The following ERC2 variants were observed in gnomAD, a reference collection of about 807,000 sequenced individuals.
The protein encoded by ERC2 is ERC protein 2.
A neutral mutation model predicts 114.8 loss-of-function variants in ERC2; 42 were observed. The observed-to-expected ratio is 0.37, with a 90% CI of 0.29 to 0.47. The LOEUF (loss-of-function observed/expected upper bound fraction) is 0.47, where lower values mean the gene tolerates loss of function less well. Among genes scored for constraint, ERC2 ranks in the 20% least tolerant of loss-of-function variants. The pLI, the probability that ERC2 is intolerant of heterozygous loss-of-function variation, is 0.99. For synonymous variants in ERC2, 454 were observed against 425.5 expected (o/e 1.07, Z -0.82); for missense variants, 939 against 1,150.7 (o/e 0.82, Z 2.66).
intron 2 of ERC2, among the ~76,000 whole-genome samples, chr3:56,384,985 G>A (rs1035072963): frequency 2.0e-5 from 3 of 152,042 alleles, no homozygotes; most frequent in Non-Finnish European, 4.4e-5. Context: ...AAAAATTACT[G>A]GATCATATAT....
chr3:55,794,092 T>C (rs955725847), intron 14 of ERC2, among the ~76,000 whole-genome samples: 1 of 152,228 alleles, frequency 6.6e-6, no homozygotes, highest in Non-Finnish European at 1.5e-5. Flanking sequence ...TTTAATGTTA[T>C]GGCACCCTCT....
At chr3:56,237,812 A>C (rs539687337) in intron 3 of ERC2, among the ~76,000 whole-genome samples, 16 of 152,228 alleles carry the variant, frequency 1.1e-4, no homozygotes, top group African/African-American at 3.8e-4. Flanking sequence ...CTTATTCAGC[A>C]GGGAAAGAAA....
chr3:56,400,870 C>A (rs1487558323), intron 2 of ERC2, among the ~76,000 whole-genome samples: 2 of 152,158 alleles, frequency 1.3e-5, no homozygotes, highest in African/African-American at 2.4e-5. Context: ...TTCCAAACTT[C>A]TTTTTAAAAA....
chr3:56,272,542 G>A (rs1485742784), intron 3 of ERC2, among the ~76,000 whole-genome samples: 3 of 152,350 alleles, frequency 2.0e-5, no homozygotes, highest in East Asian at 1.9e-4. Flanking sequence ...GGCCAAGGCA[G>A]GCAGATCACC....
chr3:56,319,795 A>AC (rs1455316167), intron 2 of ERC2, among the ~76,000 whole-genome samples: 1 of 152,066 alleles, frequency 6.6e-6, no homozygotes, highest in Non-Finnish European at 1.5e-5. Flanking sequence ...ACATAGCGAG[A>AC]CCCCATCTCT....
chr3:56,370,857 G>C (rs1363474240), intron 2 of ERC2, among the ~76,000 whole-genome samples: 1 of 152,200 alleles, frequency 6.6e-6, no homozygotes, highest in Non-Finnish European at 1.5e-5. Flanking sequence ...GCCTCCCAAA[G>C]TGTTGGGATT....
Position 55,899,203 on chromosome 3 carries a change from C to T in ERC2, c.2404-10654G>A, listed in dbSNP as rs116654792. ...GTGGAACATTTACCTTTTTTGGTCA[C>T]GGGAAACAAACATTTCAATTCTTTT... On this transcript the variant is annotated intron_variant, in intron 13 of 17. Transcript: ENST00000288221. Among the ~76,000 whole-genome samples the T allele has an allele frequency of 5.7e-3, 874 of 152,160 alleles. 11 individuals carry two copies. Among genetic ancestry groups the T allele is most frequent in the East Asian group, 0.014 (74 of 5,176 alleles).
intron 5 of ERC2, among the ~76,000 whole-genome samples, chr3:56,147,346 A>T (rs949785688): frequency 2.6e-5 from 4 of 152,184 alleles, no homozygotes; most frequent in Admixed American, 2.6e-4. Flanking sequence ...TCCACTGGAC[A>T]GTCCCCTCAT....
chr3:55,734,209 T>A (rs998572495), intron 15 of ERC2, among the ~76,000 whole-genome samples: 3 of 152,086 alleles, frequency 2.0e-5, no homozygotes, highest in Admixed American at 1.3e-4. Flanking sequence ...GGTGATTTTT[T>A]AAAAATAGAG....
chr3:56,180,058 G>A (rs149587402), intron 3 of ERC2, among the ~76,000 whole-genome samples: 173 of 152,200 alleles, frequency 1.1e-3, no homozygotes, highest in African/African-American at 4.0e-3. Flanking sequence ...TAGTGAAGTA[G>A]GAAGAGAATG....
chr3:56,190,717 G>A (rs891153851), intron 3 of ERC2, among the ~76,000 whole-genome samples: 1 of 151,942 alleles, frequency 6.6e-6, no homozygotes, highest in African/African-American at 2.4e-5. Context: ...GGGACCACAG[G>A]TGCATGCCAC....
chr3:56,423,497 A>G (rs1353254421), intron 2 of ERC2, among the ~76,000 whole-genome samples: 1 of 152,222 alleles, frequency 6.6e-6, no homozygotes, highest in Non-Finnish European at 1.5e-5. Context: ...TGGAGAAAAA[A>G]CTGCCCACAG....
intron 3 of ERC2, among the ~76,000 whole-genome samples, chr3:56,190,730 C>G (rs929109350): frequency 6.6e-6 from 1 of 152,172 alleles, no homozygotes; most frequent in African/African-American, 2.4e-5. Flanking sequence ...CATGCCACCA[C>G]ACCCAGATAA....
In ERC2 at chr3:56,149,096, C is replaced by T; in HGVS notation, c.1186G>A (p.Asp396Asn). The change falls in exon 5 of 18, where the codon GAT becomes AAT. Residue 396 changes from aspartate to asparagine, a missense_variant. Asp to Asn is a conservative substitution (Grantham distance 23). Around this residue, in one of 5 missense-constraint regions of ERC2, gnomAD observed 148 missense variants for 159.1 expected, o/e 0.93. Coordinates refer to ENST00000288221, the MANE Select transcript of ERC2 (RefSeq NM_015576.3). ...AACATCTGGATCTCATCCTCAAGAT[C>T]CCTTATGTTTCGTTCCAATGAAGCG... is the stretch of plus-strand genomic sequence containing the variant. ...KIASLERNIRDLEDEIQMLKA... is the reference protein window; with the variant it reads ...KIASLERNIRNLEDEIQMLKA... 1 of 1,612,608 alleles carries T rather than the reference C, an allele frequency of 6.2e-7. No homozygotes were observed. Among genetic ancestry groups the T allele is most frequent in the Non-Finnish European group, 8.5e-7 (1 of 1,179,218 alleles).
chr3:55,997,950 G>T (rs1178168675), intron 10 of ERC2, among the ~76,000 whole-genome samples: 1 of 62,798 alleles, frequency 1.6e-5, no homozygotes, highest in Non-Finnish European at 3.0e-5. Context: ...TTTTTTGGTA[G>T]AGATGGGGTT....
intron 17 of ERC2, among the ~76,000 whole-genome samples, chr3:55,524,545 T>C (rs968609277): frequency 2.0e-4 from 28 of 140,384 alleles, no homozygotes; most frequent in Non-Finnish European, 3.2e-4. Flanking sequence ...TTAGATAAAC[T>C]TTCAAGGATA....
chr3:55,580,837 C>T (rs2107560299), intron 17 of ERC2, among the ~76,000 whole-genome samples: 1 of 152,258 alleles, frequency 6.6e-6, no homozygotes, highest in South Asian at 2.1e-4. Flanking sequence ...ACAAAATTGA[C>T]ATTGAAATAC....
chr3:55,733,527 TTCTTTCTCTCTC>T (rs1382977166), intron 15 of ERC2, among the ~76,000 whole-genome samples: 44 of 95,678 alleles, frequency 4.6e-4, no homozygotes, highest in Middle Eastern at 4.9e-3. Context: ...CTGTCTCTCA[TTCTTTCTCTCTC>T]TCTCACACAC....
At chr3:55,948,860 A>G (rs1350698536) in intron 13 of ERC2, among the ~76,000 whole-genome samples, 1 of 152,230 alleles carries the variant, frequency 6.6e-6, no homozygotes, top group African/African-American at 2.4e-5. Flanking sequence ...ATCGTTTTTA[A>G]TGTTTCATTT....
Sources: gnomAD v4.1 joint callset for allele counts (sites outside exome capture counted in the v4.1 genomes callset) on GRCh38, gnomAD v4.1.1 for gene constraint, gnomAD v4.1.1 regional missense constraint, MANE v1.5 for transcripts, NCBI Gene and HGNC (gene_info 2026-07-23, HGNC 2026-07-21) for gene names.